SLC45A4: variants seen among roughly 807,000 people sequenced by gnomAD.
SLC45A4 encodes solute carrier family 45 member 4, also known as polyamine-transporter SLC45A4.
In SLC45A4, 32 loss-of-function variants were observed where a neutral mutation model predicts 63.7. The observed-to-expected ratio is 0.50, with a 90% CI of 0.38 to 0.67. The LOEUF (loss-of-function observed/expected upper bound fraction) is 0.67. SLC45A4 is among the 30% of genes least tolerant of loss of function. The probability of loss-of-function intolerance (pLI) is 0.00; values close to 1 mark genes in which losing one functional copy is unlikely to be tolerated. For missense variants in SLC45A4, 1,027 were observed against 1,157.7 expected, an observed-to-expected ratio of 0.89 and a Z score of 1.64; for synonymous variants, 535 against 510.0, an observed-to-expected ratio of 1.05 and a Z score of -0.66.
chr8:141,215,579 G>C lies in SLC45A4; in HGVS notation c.1941+180C>G, dbSNP rs1279405134. ...AAGGAGAAGACCCTTTGTGGCCAGG[G>C]ACCGATCAGGGGCAGGTGGTGGCTC... On this transcript the variant is annotated intron_variant, in intron 7 of 8. Coordinates refer to ENST00000517878, the MANE Select transcript of SLC45A4 (RefSeq NM_001286646.2). This position sits in a 1 kb window ranked among gnomAD's most constrained non-coding sequence, Gnocchi z 4.3. Among the ~76,000 whole-genome samples the C allele has an allele frequency of 6.6e-6, 1 of 152,164 alleles. No homozygotes were observed. Among genetic ancestry groups the C allele is most frequent in the Non-Finnish European group, 1.5e-5 (1 of 68,030 alleles).
intron 2 of SLC45A4, among the ~76,000 whole-genome samples, chr8:141,243,699 A>G (rs1589804689): frequency 6.6e-6 from 1 of 152,138 alleles, no homozygotes; most frequent in African/African-American, 2.4e-5. Context: ...TGTACCGTCC[A>G]TTTACACAGA....
intron 1 of SLC45A4, among the ~76,000 whole-genome samples, chr8:141,290,796 G>T (rs9324544): frequency 6.6e-6 from 1 of 152,070 alleles, no homozygotes; most frequent in Non-Finnish European, 1.5e-5. Flanking sequence ...GGGATGTGGC[G>T]GGGGGGCCTG....
chr8:141,210,741 T>TA lies in SLC45A4; in HGVS notation c.*830dup, dbSNP rs1241652766. 1 of 152,184 alleles carries TA rather than the reference T, an allele frequency of 6.6e-6. No homozygotes were observed. The highest frequency in any genetic ancestry group is 1.5e-5 in the Non-Finnish European group (1 of 68,030). The allele number at this position is 152,184 out of a possible 1,614,324, so 9.4% of individuals were successfully genotyped here. On this transcript the variant is annotated 3_prime_UTR_variant, in exon 9 of 9. Coordinates refer to ENST00000517878, the MANE Select transcript of SLC45A4 (RefSeq NM_001286646.2). Reference sequence around the variant, plus strand: ...CTCATGCATTTCAAAGTACTTTATTTAAAAAACAACTTGAGGCAGCAAAAG... The same window carrying TA: ...CTCATGCATTTCAAAGTACTTTATTTAAAAAAACAACTTGAGGCAGCAAAAG...
At chr8:141,263,549 C>A (rs1300499155) in intron 1 of SLC45A4, among the ~76,000 whole-genome samples, 3 of 151,350 alleles carry the variant, frequency 2.0e-5, no homozygotes, top group Admixed American at 2.0e-4. Context: ...GGGTAGATCA[C>A]GACGTCAGAT....
At chr8:141,228,519 G>A (rs1827166241) in intron 2 of SLC45A4, 4 of 1,306,064 alleles carry the variant, frequency 3.1e-6, no homozygotes, top group Admixed American at 6.6e-5. Context: ...TCACTGGCCA[G>A]CTCCTCGGGC....
At chr8:141,228,565 T>TATCA in intron 2 of SLC45A4, 2 of 1,229,332 alleles carry the variant, frequency 1.6e-6, no homozygotes, top group Non-Finnish European at 2.1e-6. Flanking sequence ...GGCTCCTCTC[T>TATCA]GCCCTATCAG....
Position 141,211,261 on chromosome 8 carries a change from G to A in SLC45A4, c.*311C>T, listed in dbSNP as rs1280601791. 2.0e-6 allele frequency: 1 copy of A among 491,864 alleles called. No homozygotes were observed. Among genetic ancestry groups the A allele is most frequent in the East Asian group, 3.5e-5 (1 of 28,808 alleles). The allele number at this position is 491,864 out of a possible 1,614,324, so 30.5% of individuals were successfully genotyped here. A position where few individuals can be genotyped will look rare whatever the true frequency, so the allele number is the denominator to read the frequency against. On this transcript the variant is annotated 3_prime_UTR_variant, in exon 9 of 9. Transcript: ENST00000517878. ...CGTTTCCTTCCCCCTGACGTTGGGA[G>A]CGGTCTGGAGGGGCAACCTGGCCTC...
intron 1 of SLC45A4, among the ~76,000 whole-genome samples, chr8:141,293,287 T>C (rs1830425033): frequency 6.6e-6 from 1 of 151,970 alleles, no homozygotes; most frequent in Non-Finnish European, 1.5e-5. Context: ...ACCCCATCTC[T>C]ACTAAAAATA....
intron 1 of SLC45A4, among the ~76,000 whole-genome samples, chr8:141,305,897 G>C (rs1830884594): frequency 1.9e-5 from 1 of 51,456 alleles, no homozygotes; most frequent in Non-Finnish European, 6.4e-5. Flanking sequence ...TCGGGAAAGT[G>C]GGGAGCTGCC....
At chr8:141,290,789 A>G (rs1451334242) in intron 1 of SLC45A4, among the ~76,000 whole-genome samples, 3 of 152,220 alleles carry the variant, frequency 2.0e-5, no homozygotes, top group Non-Finnish European at 4.4e-5. Context: ...GACTGCAGGG[A>G]TGTGGCGGGG....
At position 141,211,615 on chromosome 8, in the gene SLC45A4, T is replaced by C; in HGVS notation, c.2384A>G (p.Tyr795Cys). ...GGAAAAGAAAATTTTTTTTCTAAAA[T>C]AATCATAAAGAAAAATACTCTCCAA... Reference protein sequence around the residue: ...QLLESIFLYDYFRKKIFFSTM... With the variant: ...QLLESIFLYDCFRKKIFFSTM... Residue 795 changes from tyrosine to cysteine, a missense_variant, in exon 9 of 9, where the codon TAT (tyrosine) becomes TGT (cysteine). Tyr to Cys is a radical substitution (Grantham distance 194). Transcript: ENST00000517878. The C allele has an allele frequency of 6.2e-7, 1 of 1,612,466 alleles. No homozygotes were observed.
At position 141,211,645 on chromosome 8, in the gene SLC45A4, TG is replaced by T; in HGVS notation, c.2353del (p.Gln785SerfsTer68). 1 of 1,610,178 alleles carries T rather than the reference TG, an allele frequency of 6.2e-7. No homozygotes were observed. The highest frequency in any genetic ancestry group is 8.5e-7 in the Non-Finnish European group (1 of 1,178,316). The part of the protein sequence containing the change: ...CQISSHWLVP[Q>X]LLESIFLYDY... Reference sequence around the variant, plus strand: ...ATAAAGAAAAATACTCTCCAACAGCTGCGGCACCAGCCAATGTGACGAGATC... The same window carrying T: ...ATAAAGAAAAATACTCTCCAACAGCTCGGCACCAGCCAATGTGACGAGATC... On this transcript the variant is annotated frameshift_variant, in exon 9 of 9. Transcript: ENST00000517878. LOFTEE classifies it low-confidence loss of function (END_TRUNC).
chr8:141,216,011 G>C (rs754767779), intron 6 of SLC45A4, 41 bp from the exon 7 acceptor site: 1 of 1,566,232 alleles, frequency 6.4e-7, no homozygotes, highest in Non-Finnish European at 8.7e-7. Context: ...TGGGCAGGCG[G>C]CTGGCTCCTG....
At chr8:141,304,569 A>G (rs1830841612) in intron 1 of SLC45A4, among the ~76,000 whole-genome samples, 1 of 151,178 alleles carries the variant, frequency 6.6e-6, no homozygotes, top group Admixed American at 6.6e-5. Flanking sequence ...AAAAAAAAAA[A>G]AAAAGGGGGG....
At chr8:141,244,957 T>C (rs2369480) in intron 2 of SLC45A4, among the ~76,000 whole-genome samples, 2 of 8,410 alleles carry the variant, frequency 2.4e-4, no homozygotes, top group Admixed American at 1.2e-3. Flanking sequence ...AAGACGTGGG[T>C]GGGGGGGGGG....
At chr8:141,232,703 G>GAACACAGACATTCAGTGGCTC in intron 2 of SLC45A4, among the ~76,000 whole-genome samples, 1 of 144,814 alleles carries the variant, frequency 6.9e-6, no homozygotes, top group South Asian at 2.4e-4. Context: ...GCTGCAACGG[G>GAACACAGACATTCAGTGGCTC]AACACAGACA....
intron 2 of SLC45A4, among the ~76,000 whole-genome samples, chr8:141,245,311 T>TCCA (rs1828135694): frequency 6.6e-6 from 1 of 152,128 alleles, no homozygotes; most frequent in African/African-American, 2.4e-5. Context: ...TGCTGCTACC[T>TCCA]CCACCACCAC....
At chr8:141,252,256 C>A (rs1245227385) in intron 2 of SLC45A4, 1 of 152,254 alleles carries the variant, frequency 6.6e-6, no homozygotes, top group East Asian at 1.9e-4. Flanking sequence ...GGGCCCAAGA[C>A]ACTCCCAGTG....
intron 1 of SLC45A4, among the ~76,000 whole-genome samples, 169 bp downstream of exon 1, chr8:141,307,927 G>T (rs1372114522): frequency 6.8e-6 from 1 of 147,836 alleles, no homozygotes; most frequent in African/African-American, 2.5e-5. Flanking sequence ...CCGGGTGGGG[G>T]CACGTCCCCT....
Sources: allele counts gnomAD v4.1 joint callset (sites outside exome capture counted in the v4.1 genomes callset), GRCh38; gene constraint gnomAD v4.1.1; non-coding constraint Gnocchi (gnomAD v3.1); transcripts MANE v1.5; gene names NCBI Gene and HGNC (gene_info 2026-07-23, HGNC 2026-07-21).